Variants in LRP1B observed in about 807,000 individuals in gnomAD.
LRP1B encodes LDL receptor related protein 1B.
A neutral mutation model predicts 556.6 loss-of-function variants in LRP1B; 217 were observed. The ratio of observed to expected loss-of-function variants is 0.39; its 90% CI spans 0.35 to 0.44. LRP1B has a LOEUF of 0.44. Ranked by LOEUF, LRP1B falls within the 20% of genes least tolerant of loss-of-function variation. The probability of loss-of-function intolerance (pLI) is 1.00; values close to 1 mark genes in which losing one functional copy is unlikely to be tolerated. For missense variants in LRP1B, 5,053 were observed against 5,620.8 expected, an observed-to-expected ratio of 0.90 and a Z score of 3.23; for synonymous variants, 2,047 against 1,865.8, an observed-to-expected ratio of 1.10 and a Z score of -2.50.
chr2:141,265,328 C>T (rs1418792532), intron 3 of LRP1B, among the ~76,000 whole-genome samples: 1 of 152,126 alleles, frequency 6.6e-6, no homozygotes, highest in African/African-American at 2.4e-5. Context: ...CATCAGGAAG[C>T]AACCAGAAAG....
At chr2:140,643,709 T>A (rs956572382) in intron 41 of LRP1B, among the ~76,000 whole-genome samples, 3 of 152,178 alleles carry the variant, frequency 2.0e-5, no homozygotes, top group African/African-American at 7.2e-5. Context: ...CAAAAGAAAG[T>A]CATCAAAATC....
At chr2:141,361,135 C>G (rs2105565148) in intron 3 of LRP1B, among the ~76,000 whole-genome samples, 1 of 152,112 alleles carries the variant, frequency 6.6e-6, no homozygotes, top group Admixed American at 6.5e-5. Flanking sequence ...AGACACCAAA[C>G]TATATGAAAG....
chr2:141,843,386 G>C (rs899086126), intron 1 of LRP1B, among the ~76,000 whole-genome samples: 1 of 152,032 alleles, frequency 6.6e-6, no homozygotes, highest in Admixed American at 6.6e-5. Flanking sequence ...CTGTAATTCC[G>C]ATAAAGCTTT....
chr2:141,554,418 T>C (rs1227918386), intron 2 of LRP1B, among the ~76,000 whole-genome samples: 2 of 150,604 alleles, frequency 1.3e-5, no homozygotes, highest in Non-Finnish European at 1.5e-5. Context: ...GGAATAGATA[T>C]AGATACATAT....
Position 140,682,108 on chromosome 2 carries a change from C to T in LRP1B, c.6799+18142G>A, listed in dbSNP as rs542918121. ...ATTAATAACCTTAAAATATTAACAA[C>T]TGTAAAACAGTTACGTGTTTCATCC... On this transcript the variant is annotated intron_variant, in intron 41 of 90. Transcript: ENST00000389484. Among the ~76,000 whole-genome samples, 6 of 152,264 alleles carry T rather than the reference C, an allele frequency of 3.9e-5. No homozygotes were observed. The East Asian group carries it at 1.2e-3, about 29-fold the overall frequency.
At chr2:141,862,240 C>T (rs534205011) in intron 1 of LRP1B, among the ~76,000 whole-genome samples, 71 of 152,124 alleles carry the variant, frequency 4.7e-4, no homozygotes, top group African/African-American at 1.6e-3. Context: ...ACCATATGTC[C>T]CTCTAATTTC....
chr2:140,830,435 G>C (rs949732673), intron 31 of LRP1B, among the ~76,000 whole-genome samples: 2 of 152,040 alleles, frequency 1.3e-5, no homozygotes, highest in African/African-American at 4.8e-5. Flanking sequence ...AGTGATACAA[G>C]GATGGTCCAA....
chr2:140,361,357 T>TATATATATAC (rs1553454132), intron 72 of LRP1B, among the ~76,000 whole-genome samples: 6 of 124,922 alleles, frequency 4.8e-5, no homozygotes, highest in African/African-American at 1.5e-4. Context: ...TATATATATA[T>TATATATATAC]ATATATATAT....
intron 82 of LRP1B, 40 bp downstream of exon 82, chr2:140,321,923 G>A (rs1393180414): frequency 1.3e-6 from 2 of 1,577,334 alleles, no homozygotes; most frequent in East Asian, 2.3e-5. Context: ...TTTATGATAA[G>A]GATTAATTCA....
intron 59 of LRP1B, among the ~76,000 whole-genome samples, chr2:140,484,200 CATT>C (rs1424074087): frequency 6.6e-6 from 1 of 152,074 alleles, no homozygotes; most frequent in Non-Finnish European, 1.5e-5. Context: ...AAAATGAGCA[CATT>C]ACCTTGAAAA....
At chr2:141,471,264 T>C (rs1305511515) in intron 3 of LRP1B, among the ~76,000 whole-genome samples, 5 of 115,956 alleles carry the variant, frequency 4.3e-5, no homozygotes, top group Non-Finnish European at 7.0e-5. Flanking sequence ...GAATATACCC[T>C]GGTATTTTTT....
intron 3 of LRP1B, among the ~76,000 whole-genome samples, chr2:141,432,203 T>G (rs1680586096): frequency 6.6e-6 from 1 of 152,140 alleles, no homozygotes; most frequent in Non-Finnish European, 1.5e-5. Context: ...TTTCTGTATC[T>G]TTTGAAATTA....
intron 57 of LRP1B, among the ~76,000 whole-genome samples, chr2:140,490,235 CT>C (rs1338371510): frequency 6.6e-6 from 1 of 152,058 alleles, no homozygotes; most frequent in African/African-American, 2.4e-5. Flanking sequence ...AATAAAGACA[CT>C]GTTCAAATTG....
chr2:141,677,975 G>T (rs1690951965), intron 2 of LRP1B, among the ~76,000 whole-genome samples: 1 of 152,138 alleles, frequency 6.6e-6, no homozygotes, highest in Non-Finnish European at 1.5e-5. Flanking sequence ...ATAGGGACAA[G>T]GGGATGTAAT....
chr2:140,724,802 C>T (rs1269317843), intron 35 of LRP1B, among the ~76,000 whole-genome samples: 4 of 10,644 alleles, frequency 3.8e-4, no homozygotes, highest in Non-Finnish European at 8.1e-3. Flanking sequence ...TTTTAATTAT[C>T]GAGATAAAAA....
chr2:141,784,180 A>G (rs1237789141), intron 2 of LRP1B, among the ~76,000 whole-genome samples: 1 of 151,998 alleles, frequency 6.6e-6, no homozygotes, highest in Non-Finnish European at 1.5e-5. Flanking sequence ...TAACAATATA[A>G]CTAATTTTAT....
At chr2:140,976,368 C>T (rs12474500) in intron 18 of LRP1B, among the ~76,000 whole-genome samples, 111,726 of 151,904 alleles carry the variant, frequency 0.74, 41,622 homozygotes, top group Admixed American at 0.79. Flanking sequence ...ACAAGTAAGA[C>T]TACAAGTACA....
chr2:140,636,299 A>G (rs1257104781), intron 41 of LRP1B, among the ~76,000 whole-genome samples: 1 of 152,148 alleles, frequency 6.6e-6, no homozygotes, highest in Non-Finnish European at 1.5e-5. Context: ...GTAGCATGGC[A>G]TGCATTATAC....
At chr2:141,227,162 T>C (rs892392061) in intron 6 of LRP1B, among the ~76,000 whole-genome samples, 23 of 152,218 alleles carry the variant, frequency 1.5e-4, no homozygotes, top group Non-Finnish European at 2.9e-5. Context: ...CTTCCTTAGA[T>C]TTATTTTAAC....
Sources: gnomAD v4.1 joint callset for allele counts (sites outside exome capture counted in the v4.1 genomes callset) on GRCh38, gnomAD v4.1.1 for gene constraint, MANE v1.5 for transcripts, NCBI Gene and HGNC (gene_info 2026-07-23, HGNC 2026-07-21) for gene names.